Variants in SLC24A2 observed in about 807,000 individuals in gnomAD.
SLC24A2 encodes sodium/potassium/calcium exchanger 2.
SLC24A2 carries 36 observed loss-of-function variants against 62.0 expected under a neutral mutation model. The observed-to-expected ratio is 0.58, with a 90% CI of 0.44 to 0.77. The LOEUF is 0.77. Ranked by LOEUF, SLC24A2 falls within the 30% of genes least tolerant of loss-of-function variation. The pLI, the probability that SLC24A2 is intolerant of heterozygous loss-of-function variation, is 0.00. For synonymous variants in SLC24A2, 358 were observed against 294.0 expected (o/e 1.22, Z -2.23); for missense variants, 846 against 817.9 (o/e 1.03, Z -0.42).
At chr9:19,886,217 A>G in the SLC24A2 span, among the ~76,000 whole-genome samples, 3 of 152,332 alleles carry the variant, frequency 2.0e-5, no homozygotes, top group Non-Finnish European at 4.4e-5. Context: ...TCCCACCAGC[A>G]GTGTATAAGC....
chr9:19,613,944 G>C (rs1004025716), intron 4 of SLC24A2, among the ~76,000 whole-genome samples: 15 of 152,130 alleles, frequency 9.9e-5, no homozygotes, highest in African/African-American at 3.1e-4. Flanking sequence ...GATGGAGTAG[G>C]GCTCATGGAA....
At chr9:19,603,529 A>G (rs1400237835) in intron 4 of SLC24A2, among the ~76,000 whole-genome samples, 2 of 151,082 alleles carry the variant, frequency 1.3e-5, no homozygotes, top group African/African-American at 2.5e-5. Flanking sequence ...GGTGATGCTG[A>G]TGCTTCTGTA....
At chr9:20,167,729 A>G in the SLC24A2 span, among the ~76,000 whole-genome samples, 2 of 151,914 alleles carry the variant, frequency 1.3e-5, no homozygotes, top group African/African-American at 2.4e-5. Flanking sequence ...GAGGTGAATT[A>G]TAATACAAGA....
chr9:20,071,794 G>C, the SLC24A2 span, among the ~76,000 whole-genome samples: 1 of 152,122 alleles, frequency 6.6e-6, no homozygotes, highest in African/African-American at 2.4e-5. Context: ...GCAGTCGCAA[G>C]TCTGGGCCTC....
At chr9:20,028,547 C>T in the SLC24A2 span, among the ~76,000 whole-genome samples, 3 of 152,204 alleles carry the variant, frequency 2.0e-5, no homozygotes, top group African/African-American at 7.2e-5. Context: ...CCCTAATTGA[C>T]ATCCATGGGT....
At chr9:20,117,780 T>C in the SLC24A2 span, among the ~76,000 whole-genome samples, 11 of 152,282 alleles carry the variant, frequency 7.2e-5, no homozygotes, top group East Asian at 1.9e-3. Flanking sequence ...AAGGGCTTAT[T>C]ATGTGTCAAA....
the SLC24A2 span, among the ~76,000 whole-genome samples, chr9:19,938,102 T>G: frequency 6.6e-6 from 1 of 152,208 alleles, no homozygotes. Flanking sequence ...TATTTTATAG[T>G]ACTCTTATAG....
the SLC24A2 span, among the ~76,000 whole-genome samples, chr9:19,953,204 T>C: frequency 3.9e-5 from 6 of 152,180 alleles, no homozygotes; most frequent in East Asian, 3.9e-4. Flanking sequence ...CATTGATTTT[T>C]CCCAAAGAAT....
chr9:19,939,157 A>C, the SLC24A2 span, among the ~76,000 whole-genome samples: 2 of 152,250 alleles, frequency 1.3e-5, no homozygotes, highest in African/African-American at 2.4e-5. Flanking sequence ...ATATAAGCAT[A>C]TCCTGGTGTT....
the SLC24A2 span, among the ~76,000 whole-genome samples, chr9:20,133,909 A>G: frequency 6.6e-6 from 1 of 152,192 alleles, no homozygotes; most frequent in Non-Finnish European, 1.5e-5. Flanking sequence ...GTTTAACTTA[A>G]TAAGGTAAAT....
the SLC24A2 span, among the ~76,000 whole-genome samples, chr9:20,264,230 C>T: frequency 3.9e-5 from 6 of 152,328 alleles, no homozygotes; most frequent in South Asian, 1.2e-3. Flanking sequence ...CCTCAGTTTC[C>T]ACACCTATAA....
chr9:20,070,081 A>G, the SLC24A2 span, among the ~76,000 whole-genome samples: 3 of 152,206 alleles, frequency 2.0e-5, no homozygotes, highest in Non-Finnish European at 4.4e-5. Flanking sequence ...AACTTCCTTT[A>G]AAAGCCCTTT....
At chr9:20,011,997 T>C in the SLC24A2 span, among the ~76,000 whole-genome samples, 1 of 152,122 alleles carries the variant, frequency 6.6e-6, no homozygotes, top group Non-Finnish European at 1.5e-5. Context: ...CTTCTCATGA[T>C]AAAAACTTTT....
the SLC24A2 span, among the ~76,000 whole-genome samples, chr9:20,113,811 C>A: frequency 6.6e-6 from 1 of 152,094 alleles, no homozygotes; most frequent in Non-Finnish European, 1.5e-5. Flanking sequence ...GCACTGACTT[C>A]CTCTTTCAAT....
At chr9:19,612,314 C>T (rs958574527) in intron 4 of SLC24A2, among the ~76,000 whole-genome samples, 1 of 152,178 alleles carries the variant, frequency 6.6e-6, no homozygotes, top group African/African-American at 2.4e-5. Flanking sequence ...TTTTCATATA[C>T]TAGCTCACAT....
At chr9:20,195,474 T>C in the SLC24A2 span, among the ~76,000 whole-genome samples, 1 of 152,206 alleles carries the variant, frequency 6.6e-6, no homozygotes, top group Non-Finnish European at 1.5e-5. Flanking sequence ...ACCATTTGGA[T>C]TTCTTCTTTT....
intron 2 of SLC24A2, among the ~76,000 whole-genome samples, chr9:19,749,931 C>T (rs977351123): frequency 6.6e-6 from 1 of 152,160 alleles, no homozygotes; most frequent in East Asian, 1.9e-4. Context: ...AATTCTCCCA[C>T]CTGGGATCAC....
At chr9:19,895,028 C>A in the SLC24A2 span, among the ~76,000 whole-genome samples, 2 of 152,150 alleles carry the variant, frequency 1.3e-5, no homozygotes, top group East Asian at 3.8e-4. Context: ...TTGAAAATCC[C>A]TTGCAAGTTA....
At chr9:19,744,087 A>G (rs1057007313) in intron 2 of SLC24A2, among the ~76,000 whole-genome samples, 1 of 152,086 alleles carries the variant, frequency 6.6e-6, no homozygotes, top group Non-Finnish European at 1.5e-5. Flanking sequence ...GGGCTGGCAG[A>G]GCTGCTCTGT....
Sources: allele counts gnomAD v4.1 joint callset (sites outside exome capture counted in the v4.1 genomes callset), GRCh38; gene constraint gnomAD v4.1.1; transcripts MANE v1.5; gene names NCBI Gene and HGNC (gene_info 2026-07-23, HGNC 2026-07-21).